The following HERPUD2 variants were observed in gnomAD, a reference collection of about 807,000 sequenced individuals.
The protein encoded by HERPUD2 is HERPUD family member 2.
HERPUD2 carries 13 observed loss-of-function variants against 49.9 expected under a neutral mutation model. That is an observed-to-expected ratio of 0.26 (90% CI 0.17 to 0.41). The LOEUF (loss-of-function observed/expected upper bound fraction) is 0.41, where lower values mean the gene tolerates loss of function less well. HERPUD2 is among the 10% of genes least tolerant of loss of function. HERPUD2 has a pLI of 1.00. For missense variants in HERPUD2, 449 were observed against 492.2 expected, an observed-to-expected ratio of 0.91 and a Z score of 0.83; for synonymous variants, 172 against 171.4, an observed-to-expected ratio of 1.00 and a Z score of -0.03.
At chr7:35,647,031 A>G (rs1404934025) in intron 5 of HERPUD2, among the ~76,000 whole-genome samples, 2 of 152,218 alleles carry the variant, frequency 1.3e-5, no homozygotes, top group African/African-American at 4.8e-5. Context: ...CTTGAAAGCT[A>G]TACCAAAATA....
At chr7:35,670,616 G>T (rs1203482569) in intron 3 of HERPUD2, among the ~76,000 whole-genome samples, 2 of 152,050 alleles carry the variant, frequency 1.3e-5, no homozygotes, top group Non-Finnish European at 2.9e-5. Context: ...TGTGAAAGTT[G>T]TAACAGCACA....
chr7:35,642,605 C>T (rs1784983457), intron 5 of HERPUD2, among the ~76,000 whole-genome samples: 1 of 152,168 alleles, frequency 6.6e-6, no homozygotes, highest in African/African-American at 2.4e-5. Flanking sequence ...TACATATACA[C>T]CATGGAACAC....
chr7:35,691,959 T>C (rs780783770), intron 2 of HERPUD2, among the ~76,000 whole-genome samples: 5 of 152,084 alleles, frequency 3.3e-5, no homozygotes, highest in Non-Finnish European at 7.4e-5. Flanking sequence ...TAAACACACA[T>C]ACCCCCACCG....
At chr7:35,676,705 G>A (rs1277466168) in intron 2 of HERPUD2, among the ~76,000 whole-genome samples, 1 of 152,146 alleles carries the variant, frequency 6.6e-6, no homozygotes, top group Non-Finnish European at 1.5e-5. Flanking sequence ...AGTTCACTGT[G>A]ACATTTCCAA....
At chr7:35,674,648 C>T (rs1785721610) in intron 2 of HERPUD2, among the ~76,000 whole-genome samples, 1 of 151,690 alleles carries the variant, frequency 6.6e-6, no homozygotes, top group Non-Finnish European at 1.5e-5. Flanking sequence ...TAGAAGGTTG[C>T]AACTTTCAGT....
chr7:35,639,447 T>C (rs1784930353), intron 5 of HERPUD2, among the ~76,000 whole-genome samples: 1 of 152,212 alleles, frequency 6.6e-6, no homozygotes, highest in Admixed American at 6.5e-5. Context: ...AGGATTCTTA[T>C]CCTGTATTCA....
intron 8 of HERPUD2, among the ~76,000 whole-genome samples, chr7:35,634,105 C>T (rs2115812245): frequency 6.6e-6 from 1 of 152,288 alleles, no homozygotes; most frequent in South Asian, 2.1e-4. Context: ...AAAGTTACTT[C>T]TTCCCATTTA....
intron 5 of HERPUD2, among the ~76,000 whole-genome samples, chr7:35,655,527 G>A (rs1382319918): frequency 6.6e-6 from 1 of 152,150 alleles, no homozygotes; most frequent in Non-Finnish European, 1.5e-5. Context: ...ACTAGGCATA[G>A]ACGGAACATA....
At chr7:35,663,899 G>A (rs934177392) in intron 5 of HERPUD2, among the ~76,000 whole-genome samples, 1 of 152,130 alleles carries the variant, frequency 6.6e-6, no homozygotes, top group Non-Finnish European at 1.5e-5. Flanking sequence ...TTACATTTAA[G>A]GTTAATATTA....
At chr7:35,647,558 C>A (rs894043360) in intron 5 of HERPUD2, among the ~76,000 whole-genome samples, 1 of 151,674 alleles carries the variant, frequency 6.6e-6, no homozygotes, top group African/African-American at 2.4e-5. Flanking sequence ...TAAAATCTGA[C>A]GGGTAGATCT....
intron 2 of HERPUD2, among the ~76,000 whole-genome samples, chr7:35,689,281 A>G (rs1163813414): frequency 1.3e-5 from 2 of 152,206 alleles, no homozygotes; most frequent in East Asian, 3.8e-4. Context: ...TTCACATTCG[A>G]TAGTACCCTT....
intron 5 of HERPUD2, among the ~76,000 whole-genome samples, chr7:35,666,858 G>A (rs1785548223): frequency 6.6e-6 from 1 of 152,202 alleles, no homozygotes; most frequent in South Asian, 2.1e-4. Flanking sequence ...CATGCAGCAA[G>A]ATTAGCATAT....
At chr7:35,648,874 AAACT>A (rs1418678540) in intron 5 of HERPUD2, among the ~76,000 whole-genome samples, 5 of 152,256 alleles carry the variant, frequency 3.3e-5, no homozygotes, top group Non-Finnish European at 5.9e-5. Flanking sequence ...GCATGCAGCA[AAACT>A]AACTAATACG....
chr7:35,684,533 T>TATATAC (rs1023321259), intron 2 of HERPUD2, among the ~76,000 whole-genome samples: 1 of 152,200 alleles, frequency 6.6e-6, no homozygotes, highest in African/African-American at 2.4e-5. Context: ...TATATATATA[T>TATATAC]ATATACATAT....
At chr7:35,667,645 T>G in intron 4 of HERPUD2, 57 bp from the exon 5 acceptor site, 2 of 1,338,836 alleles carry the variant, frequency 1.5e-6, no homozygotes, top group Non-Finnish European at 2.1e-6. Context: ...ATCATAAAAT[T>G]ACAGGCACAT....
Position 35,633,044 on chromosome 7 carries a change from T to C in HERPUD2, c.*646A>G, listed in dbSNP as rs192338281. 42 of 152,066 alleles carry C rather than the reference T, an allele frequency of 2.8e-4. No homozygotes were observed. The highest frequency in any genetic ancestry group is 2.6e-3 in the Admixed American group (39 of 15,246). 9.4% of individuals were successfully genotyped at this position (152,066 alleles called of 1,614,324 possible). The stretch of plus-strand genomic sequence containing the variant: ...CATTAAAGGGCCAGGCTACTAGCTA[T>C]AGACATTTATATGTGAAGCAGCTCT... On this transcript the variant is annotated 3_prime_UTR_variant, in exon 9 of 9. Coordinates refer to ENST00000311350, the MANE Select transcript of HERPUD2 (RefSeq NM_022373.5).
At chr7:35,673,399 T>C (rs1459878020) in intron 2 of HERPUD2, 121 bp from the exon 3 acceptor site, 2 of 676,248 alleles carry the variant, frequency 3.0e-6, no homozygotes, top group African/African-American at 1.8e-5. Context: ...AGCAGAAAAC[T>C]GACACAATTT....
intron 5 of HERPUD2, among the ~76,000 whole-genome samples, chr7:35,656,919 A>G (rs1173782911): frequency 6.6e-6 from 1 of 152,326 alleles, no homozygotes; most frequent in East Asian, 1.9e-4. Context: ...CTACTAAAAG[A>G]AAACAGGGGA....
At chr7:35,667,640 A>C in intron 4 of HERPUD2, 52 bp from the exon 5 acceptor site, 1 of 1,397,448 alleles carries the variant, frequency 7.2e-7, no homozygotes, top group South Asian at 1.2e-5. Context: ...TTACAATCAT[A>C]AAATTACAGG....
Sources: allele counts gnomAD v4.1 joint callset (sites outside exome capture counted in the v4.1 genomes callset), GRCh38; gene constraint gnomAD v4.1.1; transcripts MANE v1.5; gene names NCBI Gene and HGNC (gene_info 2026-07-23, HGNC 2026-07-21).